Variants in HDGFL3 observed in about 807,000 individuals in gnomAD.
HDGFL3 encodes the protein HDGF like 3, also known as hepatoma-derived growth factor-related protein 3.
In HDGFL3, 6 loss-of-function variants were observed where a neutral mutation model predicts 27.6. The observed-to-expected ratio is 0.22, with a 90% confidence interval of 0.12 to 0.43. The LOEUF is 0.43. HDGFL3 is among the 20% of genes least tolerant of loss of function. HDGFL3 has a pLI of 1.00. For synonymous variants in HDGFL3, 88 were observed against 88.9 expected, an observed-to-expected ratio of 0.99 and a Z score of 0.05; for missense variants, 207 against 250.1, an observed-to-expected ratio of 0.83 and a Z score of 1.16.
chr15:83,164,378 A>AAAAAAAAAAAAAAAAAAAAT, intron 1 of HDGFL3, among the ~76,000 whole-genome samples: 1 of 149,456 alleles, frequency 6.7e-6, no homozygotes, highest in Non-Finnish European at 1.5e-5. Flanking sequence ...AAAAAAAAAA[A>AAAAAAAAAAAAAAAAAAAAT]AAAAAAAAAA....
Position 83,157,950 on chromosome 15 carries a change from A to G in HDGFL3, c.253T>C (p.Leu85=), listed in dbSNP as rs760178437. Residue 85 remains leucine, a synonymous_variant, in exon 3 of 6, where the codon TTG becomes CTG. Transcript: ENST00000299633. ...CCTGGGTTATTTTCTATTTCCCACA[A>G]TCCTTCGTTAAATCCTTTCCGTTTG... ...SNKRKGFNEG[L]WEIENNPGVK... is the part of the protein sequence containing the mutation. 3 of 1,612,732 alleles carry G rather than the reference A, an allele frequency of 1.9e-6. No homozygotes were observed.
chr15:83,127,245 A>T, downstream of HDGFL3: 2 of 1,094,834 alleles, frequency 1.8e-6, no homozygotes, highest in Non-Finnish European at 2.5e-6. Flanking sequence ...AGTCCCATAT[A>T]GGAAATAGGA....
chr15:83,127,762 G>A lies in HDGFL3; in HGVS notation c.*11508C>T. The A allele has an allele frequency of 3.0e-6, 1 of 331,046 alleles. No homozygotes were observed. The highest frequency in any genetic ancestry group is 5.1e-5 in the Admixed American group (1 of 19,752). 20.5% of individuals were successfully genotyped at this position (331,046 alleles called of 1,614,324 possible). On this transcript the variant is annotated 3_prime_UTR_variant, in exon 6 of 6. Transcript: ENST00000299633. The stretch of plus-strand genomic sequence containing the variant: ...GGTTACACACCCAGCATGTGGCATT[G>A]TTGTTTTATTGGACTGTTTCACAAT...
downstream of HDGFL3, chr15:83,124,529 T>A: frequency 1.6e-6 from 1 of 620,032 alleles, no homozygotes; most frequent in South Asian, 2.2e-5. Flanking sequence ...ATGATTTTCC[T>A]AAAGTTCCAT....
chr15:83,185,283 C>T (rs1372685023), intron 1 of HDGFL3, among the ~76,000 whole-genome samples: 2 of 152,210 alleles, frequency 1.3e-5, no homozygotes, highest in Non-Finnish European at 2.9e-5. Context: ...CTCAGCCTCC[C>T]AAAGTGTGCC....
downstream of HDGFL3, among the ~76,000 whole-genome samples, chr15:83,126,339 A>G (rs989556581): frequency 3.9e-5 from 6 of 152,172 alleles, no homozygotes; most frequent in African/African-American, 1.4e-4. Flanking sequence ...GATGCACTGG[A>G]GACAGGAAGG....
intron 2 of HDGFL3, among the ~76,000 whole-genome samples, chr15:83,163,002 G>C (rs1196466897): frequency 1.3e-5 from 2 of 152,008 alleles, no homozygotes; most frequent in Non-Finnish European, 2.9e-5. Context: ...TTTAAAGCAG[G>C]ATACAGAGTT....
intron 1 of HDGFL3, among the ~76,000 whole-genome samples, chr15:83,180,156 C>T (rs965394839): frequency 6.6e-6 from 1 of 151,966 alleles, no homozygotes; most frequent in African/African-American, 2.4e-5. Flanking sequence ...CTGATTGACT[C>T]CGGATCTGAC....
intron 1 of HDGFL3, among the ~76,000 whole-genome samples, chr15:83,177,725 A>G (rs557850435): frequency 9.3e-4 from 141 of 152,284 alleles, no homozygotes; most frequent in African/African-American, 3.3e-3. Context: ...TTTATATGTT[A>G]TGTAGTGGCT....
chr15:83,200,163 G>A (rs2037625156), intron 1 of HDGFL3, among the ~76,000 whole-genome samples: 1 of 151,116 alleles, frequency 6.6e-6, no homozygotes, highest in South Asian at 2.1e-4. Context: ...CTAACACAGT[G>A]AAACCCCATC....
At position 83,157,967 on chromosome 15, in the gene HDGFL3, T is replaced by C; in HGVS notation, c.236A>G (p.Lys79Arg). The C allele has an allele frequency of 6.2e-7, 1 of 1,612,732 alleles. No individual in the cohort carries two copies. Among genetic ancestry groups the C allele is most frequent in the African/African-American group, 1.3e-5 (1 of 75,016 alleles). Residue 79 changes from lysine to arginine, a missense_variant, in exon 3 of 6, where the codon AAA (lysine) becomes AGA (arginine). Transcript: ENST00000299633. ...KDKFGKSNKR[K>R]GFNEGLWEIE... ...TTCCCACAATCCTTCGTTAAATCCT[T>C]TCCGTTTGTTTGACTTTCCAAACTT...
At chr15:83,165,722 G>C (rs911964292) in intron 1 of HDGFL3, among the ~76,000 whole-genome samples, 5 of 149,982 alleles carry the variant, frequency 3.3e-5, no homozygotes, top group African/African-American at 1.2e-4. Flanking sequence ...GTGAACCTGG[G>C]AGGCGGAGCT....
intron 1 of HDGFL3, among the ~76,000 whole-genome samples, chr15:83,194,092 A>G (rs1450988102): frequency 6.6e-6 from 1 of 152,248 alleles, no homozygotes; most frequent in African/African-American, 2.4e-5. Flanking sequence ...AACAGAATGT[A>G]GGGTCTTTAA....
At chr15:83,159,015 AT>A (rs2037065819) in intron 2 of HDGFL3, among the ~76,000 whole-genome samples, 1 of 151,980 alleles carries the variant, frequency 6.6e-6, no homozygotes, top group East Asian at 1.9e-4. Context: ...CTAATTTTGT[AT>A]TTTTAGTAGA....
At chr15:83,122,746 C>T in intron 3 of HDGFL3, 2 of 1,611,896 alleles carry the variant, frequency 1.2e-6, no homozygotes, top group South Asian at 2.2e-5. Context: ...CTCTTTCTCT[C>T]TTTTAAATAG....
chr15:83,144,062 AAT>A, intron 5 of HDGFL3, among the ~76,000 whole-genome samples: 1 of 152,310 alleles, frequency 6.6e-6, no homozygotes, highest in East Asian at 1.9e-4. Context: ...ACTGCCAGGC[AAT>A]CGTCAGCACC....
rs141388632 is a variant in HDGFL3, at chr15:83,121,973, G to A, written c.394-6232C>T. The A allele has an allele frequency of 3.1e-6, 5 of 1,611,256 alleles. No individual in the cohort carries two copies. In the African/African-American group the frequency reaches 6.7e-5, roughly 22 times the overall value. On this transcript the variant is annotated intron_variant, in intron 3 of 3. Coordinates refer to the HDGFL3 transcript ENST00000568294. Reference sequence around the variant, plus strand: ...TTGGGTTGGATCTATTATTATGAGTGTTGTTGTTTTTGTGCCAGGAAACAT... The same window carrying A: ...TTGGGTTGGATCTATTATTATGAGTATTGTTGTTTTTGTGCCAGGAAACAT...
rs1216248572 is a variant in HDGFL3 at position 83,137,238 on chromosome 15, C to T, written c.*2032G>A. 2.0e-5 allele frequency: 3 copies of T among 152,108 alleles called. No homozygotes were observed. Among genetic ancestry groups the T allele is most frequent in the African/African-American group, 4.8e-5 (2 of 41,432 alleles). The allele number at this position is 152,108 out of a possible 1,614,324, so 9.4% of individuals were successfully genotyped here. A position where few individuals can be genotyped will look rare whatever the true frequency, so the allele number is the denominator to read the frequency against. ...CTAAATTTTTTTGTGTGAATTTAAA[C>T]AGCTAAATAGGGATCAGTAACTTTA... On this transcript the variant is annotated 3_prime_UTR_variant, in exon 6 of 6. Transcript: ENST00000299633.
At chr15:83,195,261 G>GT (rs2037555775) in intron 1 of HDGFL3, among the ~76,000 whole-genome samples, 1 of 152,104 alleles carries the variant, frequency 6.6e-6, no homozygotes. Context: ...CTTGAGGATT[G>GT]TATTTGTGAC....
Sources: gnomAD v4.1 joint callset for allele counts (sites outside exome capture counted in the v4.1 genomes callset) on GRCh38, gnomAD v4.1.1 for gene constraint, MANE v1.5 for transcripts, NCBI Gene and HGNC (gene_info 2026-07-23, HGNC 2026-07-21) for gene names.